The following PAPPA variants were observed in gnomAD, a reference collection of about 807,000 sequenced individuals.
PAPPA encodes pappalysin 1, also known as pappalysin-1.
Under a neutral mutation model 164.0 loss-of-function variants are expected in PAPPA, and 60 were observed. The ratio of observed to expected loss-of-function variants is 0.37; its 90% CI spans 0.30 to 0.45. The LOEUF is 0.45. PAPPA is among the 20% of genes least tolerant of loss of function. The pLI is 1.00. For missense variants in PAPPA, 1,782 were observed against 2,087.3 expected, an observed-to-expected ratio of 0.85 and a Z score of 2.85; for synonymous variants, 875 against 814.1, an observed-to-expected ratio of 1.07 and a Z score of -1.27.
intron 2 of PAPPA, among the ~76,000 whole-genome samples, chr9:116,193,122 T>C (rs1434138687): frequency 6.6e-6 from 1 of 152,072 alleles, no homozygotes; most frequent in Non-Finnish European, 1.5e-5. Context: ...ATTTCCTTTG[T>C]CTTCTCTTTT....
At chr9:116,342,711 G>A (rs1480942677) in intron 13 of PAPPA, among the ~76,000 whole-genome samples, 1 of 152,070 alleles carries the variant, frequency 6.6e-6, no homozygotes, top group African/African-American at 2.4e-5. Context: ...CACTGGTTTG[G>A]CCAAAATGTC....
At chr9:116,219,271 T>C (rs1844413192) in intron 4 of PAPPA, among the ~76,000 whole-genome samples, 1 of 152,252 alleles carries the variant, frequency 6.6e-6, no homozygotes, top group African/African-American at 2.4e-5. Flanking sequence ...CCTTGACTCA[T>C]ACACTGGACT....
intron 8 of PAPPA, among the ~76,000 whole-genome samples, chr9:116,267,662 A>G (rs935909150): frequency 6.6e-6 from 1 of 151,956 alleles, no homozygotes; most frequent in Non-Finnish European, 1.5e-5. Context: ...TCATGAGGTC[A>G]GGAGATCGAG....
intron 7 of PAPPA, among the ~76,000 whole-genome samples, chr9:116,262,024 G>A (rs937232072): frequency 2.0e-5 from 3 of 151,874 alleles, no homozygotes; most frequent in South Asian, 2.1e-4. Flanking sequence ...ACCAGCCTGC[G>A]CAACCTGATT....
intron 4 of PAPPA, among the ~76,000 whole-genome samples, chr9:116,216,625 C>G (rs1844375622): frequency 1.3e-5 from 2 of 152,194 alleles, no homozygotes; most frequent in African/African-American, 2.4e-5. Context: ...TAGACATTAG[C>G]TAATTGAGGC....
chr9:116,245,837 T>C (rs1844790858), intron 7 of PAPPA, among the ~76,000 whole-genome samples: 1 of 152,160 alleles, frequency 6.6e-6, no homozygotes, highest in Non-Finnish European at 1.5e-5. Context: ...ACTGGAACTA[T>C]TGCCACCCAT....
chr9:116,253,374 T>A (rs13287997), intron 7 of PAPPA, among the ~76,000 whole-genome samples: 15,273 of 152,122 alleles, frequency 0.1, 812 homozygotes, highest in Middle Eastern at 0.14. Flanking sequence ...TACATTTTTT[T>A]AAAAAATTGA....
chr9:116,197,177 GCA>G (rs1415162861), intron 2 of PAPPA, among the ~76,000 whole-genome samples: 1 of 152,172 alleles, frequency 6.6e-6, no homozygotes, highest in East Asian at 1.9e-4. Context: ...GTTTGTTCAT[GCA>G]CACATATTCT....
At chr9:116,331,590 T>G (rs1413152473) in intron 11 of PAPPA, among the ~76,000 whole-genome samples, 1 of 152,246 alleles carries the variant, frequency 6.6e-6, no homozygotes, top group Non-Finnish European at 1.5e-5. Flanking sequence ...CTTGTCTGCC[T>G]GGAACCTCCT....
At chr9:116,339,898 A>G (rs1157946164) in intron 13 of PAPPA, among the ~76,000 whole-genome samples, 1 of 152,178 alleles carries the variant, frequency 6.6e-6, no homozygotes, top group African/African-American at 2.4e-5. Flanking sequence ...GGGATTGGCT[A>G]TTGGATCAGA....
chr9:116,267,821 G>T (rs1255967607), intron 8 of PAPPA, among the ~76,000 whole-genome samples: 1 of 141,530 alleles, frequency 7.1e-6, no homozygotes, highest in African/African-American at 2.6e-5. Flanking sequence ...CTTGCAGTGA[G>T]CCGAGATTGC....
intron 21 of PAPPA, among the ~76,000 whole-genome samples, chr9:116,390,647 T>C (rs1468657741): frequency 2.0e-5 from 3 of 152,064 alleles, no homozygotes; most frequent in East Asian, 1.9e-4. Context: ...AACTCTTCCA[T>C]GTTCAAAAAT....
Position 116,402,042 on chromosome 9 carries a change from CTTTA to C in PAPPA, c.*5433_*5436del, listed in dbSNP as rs1362754239. The C allele has an allele frequency of 1.3e-5, 2 of 151,966 alleles. No homozygotes were observed. The highest frequency in any genetic ancestry group is 2.1e-4 in the South Asian group (1 of 4,810). The allele number at this position is 151,966 out of a possible 1,614,324, so 9.4% of individuals were successfully genotyped here. A position where few individuals can be genotyped will look rare whatever the true frequency, so the allele number is the denominator to read the frequency against. ...AATATATAAAAATGTAAATAGTAAACTTTATTTATTAAGAATGTCATCTTTTTTA... is the reference window on the plus strand; with the variant it reads ...AATATATAAAAATGTAAATAGTAAACTTTATTAAGAATGTCATCTTTTTTA... On this transcript the variant is annotated 3_prime_UTR_variant, in exon 22 of 22. Coordinates refer to ENST00000328252, the MANE Select transcript of PAPPA (RefSeq NM_002581.5).
intron 7 of PAPPA, among the ~76,000 whole-genome samples, chr9:116,260,864 G>C (rs1216802786): frequency 6.6e-6 from 1 of 152,200 alleles, no homozygotes; most frequent in Non-Finnish European, 1.5e-5. Context: ...TGGAAGTCAT[G>C]AAACACAAAT....
chr9:116,305,290 A>G (rs927249531), intron 10 of PAPPA, among the ~76,000 whole-genome samples: 3 of 152,156 alleles, frequency 2.0e-5, no homozygotes, highest in Non-Finnish European at 4.4e-5. Flanking sequence ...TTGTACAGTG[A>G]TTAGAAGAGA....
At chr9:116,363,079 TC>T (rs1846450554) in intron 18 of PAPPA, among the ~76,000 whole-genome samples, 2 of 152,164 alleles carry the variant, frequency 1.3e-5, no homozygotes, top group South Asian at 4.1e-4. Context: ...CAGAAGAAAC[TC>T]TGTGGCTGAG....
chr9:116,363,244 A>C (rs1846453415), intron 18 of PAPPA, among the ~76,000 whole-genome samples: 1 of 152,182 alleles, frequency 6.6e-6, no homozygotes. Flanking sequence ...GAAAGGCATT[A>C]TATCTTATCC....
intron 7 of PAPPA, among the ~76,000 whole-genome samples, chr9:116,242,169 CG>C (rs1216372684): frequency 6.6e-6 from 1 of 151,602 alleles, no homozygotes; most frequent in African/African-American, 2.4e-5. Flanking sequence ...GTGAGGAGCA[CG>C]GGGGGCAGGG....
intron 10 of PAPPA, among the ~76,000 whole-genome samples, chr9:116,319,135 G>A (rs55905092): frequency 0.013 from 2,014 of 152,316 alleles, 23 homozygotes; most frequent in African/African-American, 0.031. Flanking sequence ...GTTCATAGGC[G>A]GGCCTGGGCG....
Sources: allele counts gnomAD v4.1 joint callset (sites outside exome capture counted in the v4.1 genomes callset), GRCh38; gene constraint gnomAD v4.1.1; transcripts MANE v1.5; gene names NCBI Gene and HGNC (gene_info 2026-07-23, HGNC 2026-07-21).